PTPRD: variants seen among roughly 807,000 people sequenced by gnomAD.
PTPRD encodes receptor-type tyrosine-protein phosphatase delta.
Under a neutral mutation model 214.5 loss-of-function variants are expected in PTPRD, and 34 were observed. That is an observed-to-expected ratio of 0.16 (90% CI 0.12 to 0.21). The LOEUF is 0.21. PTPRD is among the 10% of genes least tolerant of loss of function. The probability of loss-of-function intolerance (pLI) is 1.00; values close to 1 mark genes in which losing one functional copy is unlikely to be tolerated. For missense variants in PTPRD, 2,545 were observed against 2,398.7 expected (o/e 1.06, Z -1.27); for synonymous variants, 1,128 against 845.7 (o/e 1.33, Z -5.79).
intron 11 of PTPRD, among the ~76,000 whole-genome samples, chr9:8,906,605 C>G (rs2098709551): frequency 2.0e-5 from 3 of 152,152 alleles, no homozygotes; most frequent in Admixed American, 6.5e-5. Flanking sequence ...AAAGGATTTA[C>G]TTGTAAAAAG....
chr9:8,831,644 G>A (rs1206437214), intron 11 of PTPRD, among the ~76,000 whole-genome samples: 1 of 152,096 alleles, frequency 6.6e-6, no homozygotes, highest in Non-Finnish European at 1.5e-5. Context: ...TGTCCTGAAT[G>A]AAACATATCA....
intron 8 of PTPRD, among the ~76,000 whole-genome samples, chr9:9,471,954 A>G (rs1180377091): frequency 1.3e-5 from 2 of 152,122 alleles, no homozygotes; most frequent in African/African-American, 2.4e-5. Context: ...CCTGTTTCCT[A>G]TAAATGAAAA....
intron 7 of PTPRD, among the ~76,000 whole-genome samples, chr9:9,575,565 G>C (rs959793820): frequency 6.6e-6 from 1 of 150,848 alleles, no homozygotes; most frequent in Non-Finnish European, 1.5e-5. Flanking sequence ...CTAAAAAATA[G>C]AAATATTAGC....
intron 34 of PTPRD, among the ~76,000 whole-genome samples, chr9:8,439,102 C>T (rs2095455585): frequency 6.6e-6 from 1 of 152,152 alleles, no homozygotes; most frequent in Admixed American, 6.5e-5. Context: ...TACCATATTG[C>T]ACTCCATTTC....
chr9:9,900,741 A>T (rs2076216552), intron 5 of PTPRD, among the ~76,000 whole-genome samples: 1 of 150,056 alleles, frequency 6.7e-6, no homozygotes, highest in Admixed American at 6.7e-5. Flanking sequence ...GCTTCAAGTG[A>T]TTCTCCTGCC....
intron 5 of PTPRD, among the ~76,000 whole-genome samples, chr9:9,826,484 A>T (rs113427504): frequency 6.6e-6 from 1 of 151,984 alleles, no homozygotes; most frequent in African/African-American, 2.4e-5. Flanking sequence ...TGAGTATGAA[A>T]TTAGCTAATC....
chr9:8,825,228 G>A (rs964915831), intron 11 of PTPRD, among the ~76,000 whole-genome samples: 2 of 152,150 alleles, frequency 1.3e-5, no homozygotes, highest in Non-Finnish European at 2.9e-5. Flanking sequence ...ACTGTTTTAG[G>A]CAAGGTATGT....
At chr9:8,808,332 CAA>C (rs2096729207) in intron 11 of PTPRD, among the ~76,000 whole-genome samples, 1 of 152,108 alleles carries the variant, frequency 6.6e-6, no homozygotes, top group African/African-American at 2.4e-5. Flanking sequence ...GACACTGCGT[CAA>C]GTCTTTTTCA....
intron 3 of PTPRD, among the ~76,000 whole-genome samples, chr9:10,222,154 T>A (rs934604934): frequency 1.3e-5 from 2 of 152,076 alleles, no homozygotes; most frequent in African/African-American, 2.4e-5. Context: ...ATTGAATAGA[T>A]GAAAATATAT....
At chr9:9,898,718 A>T (rs908148323) in intron 5 of PTPRD, among the ~76,000 whole-genome samples, 5 of 152,126 alleles carry the variant, frequency 3.3e-5, no homozygotes, top group Admixed American at 1.3e-4. Context: ...TATGGTCTTA[A>T]GTCTAGTTTA....
chr9:9,285,159 T>C (rs544698651), intron 9 of PTPRD, among the ~76,000 whole-genome samples: 41 of 151,952 alleles, frequency 2.7e-4, no homozygotes, highest in African/African-American at 9.1e-4. Context: ...TCTTTTACAA[T>C]GGAAAATATT....
At chr9:8,937,101 A>G (rs1023283225) in intron 11 of PTPRD, among the ~76,000 whole-genome samples, 3 of 152,086 alleles carry the variant, frequency 2.0e-5, no homozygotes, top group Admixed American at 2.0e-4. Flanking sequence ...TTACCGCATC[A>G]TAATGTATTG....
Position 9,920,401 on chromosome 9 carries a change from G to A in PTPRD, c.-368+18106C>T, listed in dbSNP as rs142906191. ...TGTTTCATGAGCTCTCTAACAATTC[G>A]AAGGAATCTATTTCTCACTGATGTT... On this transcript the variant is annotated intron_variant, in intron 5 of 45. Transcript: ENST00000381196. Among the ~76,000 whole-genome samples the A allele has an allele frequency of 3.1e-4, 47 of 152,108 alleles. No homozygotes were observed. In the East Asian group the frequency reaches 8.5e-3, roughly 27 times the overall value.
intron 11 of PTPRD, among the ~76,000 whole-genome samples, chr9:8,844,893 A>G (rs2097655052): frequency 6.6e-6 from 1 of 152,140 alleles, no homozygotes; most frequent in African/African-American, 2.4e-5. Flanking sequence ...GTGGAATTTG[A>G]GTAGCTTTTT....
intron 11 of PTPRD, among the ~76,000 whole-genome samples, chr9:8,767,308 G>T (rs1459667604): frequency 1.3e-5 from 2 of 151,856 alleles, no homozygotes; most frequent in Admixed American, 6.6e-5. Flanking sequence ...AGTAGAGATG[G>T]GGTTCACCAT....
At chr9:9,081,642 AG>A (rs1176419166) in intron 10 of PTPRD, among the ~76,000 whole-genome samples, 1 of 152,040 alleles carries the variant, frequency 6.6e-6, no homozygotes, top group African/African-American at 2.4e-5. Context: ...GTCTCTTTGT[AG>A]GTCTCTAAGA....
intron 8 of PTPRD, among the ~76,000 whole-genome samples, chr9:9,420,426 T>G (rs1343305553): frequency 6.6e-6 from 1 of 151,894 alleles, no homozygotes; most frequent in Non-Finnish European, 1.5e-5. Flanking sequence ...CATGATAGGT[T>G]CTAGCACATA....
At chr9:10,154,569 T>G (rs2099081981) in intron 3 of PTPRD, among the ~76,000 whole-genome samples, 1 of 152,186 alleles carries the variant, frequency 6.6e-6, no homozygotes, top group Non-Finnish European at 1.5e-5. Context: ...TTGCCTAGGT[T>G]GTCTTCCAGA....
chr9:10,525,144 C>A (rs1389705220), intron 2 of PTPRD, among the ~76,000 whole-genome samples: 1 of 151,688 alleles, frequency 6.6e-6, no homozygotes, highest in Non-Finnish European at 1.5e-5. Context: ...GTACATTTAT[C>A]CAAATTATTA....
Sources: allele counts gnomAD v4.1 joint callset (sites outside exome capture counted in the v4.1 genomes callset), GRCh38; gene constraint gnomAD v4.1.1; transcripts MANE v1.5; gene names NCBI Gene and HGNC (gene_info 2026-07-23, HGNC 2026-07-21).